Variants in MEF2C observed in about 807,000 individuals in gnomAD.
MEF2C encodes the protein myocyte enhancer factor 2C, also known as myocyte-specific enhancer factor 2C.
A neutral mutation model predicts 50.5 loss-of-function variants in MEF2C; 6 were observed. The observed-to-expected ratio is 0.12, with a 90% confidence interval of 0.07 to 0.23. MEF2C has a LOEUF of 0.23. Ranked by LOEUF, MEF2C falls within the 10% of genes least tolerant of loss-of-function variation. MEF2C has a pLI of 1.00. For missense variants in MEF2C, 276 were observed against 605.0 expected (o/e 0.46, Z 5.70); for synonymous variants, 183 against 228.0 (o/e 0.80, Z 1.78).
intron 3 of MEF2C, among the ~76,000 whole-genome samples, chr5:88,778,061 C>A (rs559685814): frequency 1.3e-5 from 2 of 151,952 alleles, no homozygotes; most frequent in African/African-American, 4.8e-5. Flanking sequence ...CCCGCCACCA[C>A]GCCCGGCTAA....
Position 88,718,022 on chromosome 5 carries a change from A to G in MEF2C, c.*4582T>C, listed in dbSNP as rs1212063660. ...CATTCAATAAGAACCTTAGACTTCCACCACTGGCTGAATTCTGTAATACCC... is the reference window on the plus strand; with the variant it reads ...CATTCAATAAGAACCTTAGACTTCCGCCACTGGCTGAATTCTGTAATACCC... On this transcript the variant is annotated 3_prime_UTR_variant, in exon 11 of 11. Transcript: ENST00000504921. The G allele has an allele frequency of 2.0e-5, 3 of 152,136 alleles. No individual in the cohort carries two copies. Among genetic ancestry groups the G allele is most frequent in the African/African-American group, 7.2e-5 (3 of 41,422 alleles). The allele number at this position is 152,136 out of a possible 1,614,324, so 9.4% of individuals were successfully genotyped here.
chr5:88,837,183 C>T (rs1815496018), intron 1 of MEF2C, among the ~76,000 whole-genome samples: 1 of 152,128 alleles, frequency 6.6e-6, no homozygotes, highest in Non-Finnish European at 1.5e-5. Flanking sequence ...CAAGCTTCTT[C>T]CCATTGACCA....
At chr5:88,742,493 C>T in intron 6 of MEF2C, 1 of 978,334 alleles carries the variant, frequency 1.0e-6, no homozygotes, top group Non-Finnish European at 1.2e-6. Context: ...CTTCACAGTA[C>T]TTTACTGTAG....
At chr5:88,871,257 A>G (rs979212442) in intron 1 of MEF2C, among the ~76,000 whole-genome samples, 1 of 152,068 alleles carries the variant, frequency 6.6e-6, no homozygotes, top group African/African-American at 2.4e-5. Flanking sequence ...AACCCTGGAA[A>G]GGGCTACTAA....
chr5:88,787,493 T>TA lies in MEF2C; in HGVS notation c.258+17104dup, dbSNP rs1355381452. Among the ~76,000 whole-genome samples, 7 of 152,266 alleles carry TA rather than the reference T, an allele frequency of 4.6e-5. No homozygotes were observed. In the South Asian group the frequency reaches 1.5e-3, roughly 32 times the overall value. On this transcript the variant is annotated intron_variant, in intron 3 of 10. Coordinates refer to ENST00000504921, the MANE Select transcript of MEF2C (RefSeq NM_002397.5). ...CAAGGTTACATAACTCGCCCTCCGT[T>TA]AGAGAATGAGAGTGTGTGATGTTGC...
chr5:88,755,614 T>C (rs1206603392), intron 4 of MEF2C, among the ~76,000 whole-genome samples: 1 of 152,170 alleles, frequency 6.6e-6, no homozygotes, highest in Admixed American at 6.5e-5. Flanking sequence ...TCTTAAAGAC[T>C]CCCCTTTTCC....
intron 1 of MEF2C, among the ~76,000 whole-genome samples, chr5:88,829,237 C>A (rs1812096013): frequency 6.6e-6 from 1 of 151,934 alleles, no homozygotes; most frequent in African/African-American, 2.4e-5. Flanking sequence ...ATTCTTTCTG[C>A]CTGGATGTTC....
chr5:88,842,731 A>T (rs1289994895), intron 1 of MEF2C, among the ~76,000 whole-genome samples: 1 of 152,210 alleles, frequency 6.6e-6, no homozygotes, highest in African/African-American at 2.4e-5. Flanking sequence ...AACCCCTCTT[A>T]TGTGTAGCTA....
At chr5:88,737,653 A>T in intron 6 of MEF2C, 9 of 985,382 alleles carry the variant, frequency 9.1e-6, no homozygotes, top group Non-Finnish European at 1.1e-5. Context: ...AATTTATCAG[A>T]TGGTTCAGAG....
chr5:88,787,428 A>AG (rs751575161), intron 3 of MEF2C, among the ~76,000 whole-genome samples: 31 of 152,340 alleles, frequency 2.0e-4, no homozygotes, highest in Non-Finnish European at 3.8e-4. Context: ...TAAGGAGCTC[A>AG]GGGTAGACAG....
At chr5:88,788,178 GTTTA>G (rs70996495) in intron 3 of MEF2C, among the ~76,000 whole-genome samples, 8,003 of 89,062 alleles carry the variant, frequency 0.09, 705 homozygotes, top group African/African-American at 0.24. Flanking sequence ...TTGTTTGTTT[GTTTA>G]TTTATTTATT....
At chr5:88,801,640 C>T (rs1253072290) in intron 3 of MEF2C, among the ~76,000 whole-genome samples, 1 of 152,104 alleles carries the variant, frequency 6.6e-6, no homozygotes, top group African/African-American at 2.4e-5. Context: ...GCCCCCTCCA[C>T]CACGCTCGGC....
At chr5:88,784,571 C>T (rs150468700) in intron 3 of MEF2C, among the ~76,000 whole-genome samples, 156 of 152,252 alleles carry the variant, frequency 1.0e-3, no homozygotes, top group African/African-American at 3.4e-3. Context: ...ATCACTATTA[C>T]ATCTAAAAAT....
At chr5:88,794,308 T>A (rs559429168) in intron 3 of MEF2C, among the ~76,000 whole-genome samples, 43 of 152,328 alleles carry the variant, frequency 2.8e-4, no homozygotes, top group African/African-American at 1.0e-3. Context: ...CAGCATCTGT[T>A]GTTTCCTGAC....
In MEF2C at chr5:88,722,262, G is replaced by A. The variant is rs1029196899; in HGVS notation, c.*342C>T. ...CCGCTTTTGGCAAATGTTTCCTTTT[G>A]TCTATTTACATGTAAATAACGTTGA... is the stretch of plus-strand genomic sequence containing the variant. On this transcript the variant is annotated 3_prime_UTR_variant, in exon 11 of 11. Transcript: ENST00000504921. 3.6e-5 allele frequency: 7 copies of A among 197,154 alleles called. No homozygotes were observed. The highest frequency in any genetic ancestry group is 6.2e-5 in the Non-Finnish European group (6 of 96,180). 12.2% of individuals were successfully genotyped at this position (197,154 alleles called of 1,614,324 possible).
At chr5:88,765,752 GACT>G (rs1263250260) in intron 3 of MEF2C, among the ~76,000 whole-genome samples, 3 of 152,318 alleles carry the variant, frequency 2.0e-5, no homozygotes, top group African/African-American at 4.8e-5. Flanking sequence ...TCAGCTGACT[GACT>G]ACGTTTTGAA....
At chr5:88,829,053 GC>G (rs1157323419) in intron 1 of MEF2C, among the ~76,000 whole-genome samples, 1 of 151,768 alleles carries the variant, frequency 6.6e-6, no homozygotes, top group Non-Finnish European at 1.5e-5. Context: ...ATACCATCAT[GC>G]CATATGCCAA....
At chr5:88,874,154 T>C (rs1016526224) in intron 1 of MEF2C, among the ~76,000 whole-genome samples, 1 of 151,972 alleles carries the variant, frequency 6.6e-6, no homozygotes, top group Admixed American at 6.6e-5. Context: ...GAGAATTACT[T>C]ACTAGGCGAA....
At chr5:88,837,800 T>G (rs966232296) in intron 1 of MEF2C, among the ~76,000 whole-genome samples, 2 of 152,236 alleles carry the variant, frequency 1.3e-5, no homozygotes, top group Non-Finnish European at 2.9e-5. Flanking sequence ...ATATAAACAG[T>G]TAAGACTAAG....
Sources: gnomAD v4.1 joint callset for allele counts (sites outside exome capture counted in the v4.1 genomes callset) on GRCh38, gnomAD v4.1.1 for gene constraint, MANE v1.5 for transcripts, NCBI Gene and HGNC (gene_info 2026-07-23, HGNC 2026-07-21) for gene names.